Variants in POT1 observed in about 807,000 individuals in gnomAD.
The protein encoded by POT1 is protection of telomeres protein 1.
In POT1, 47 loss-of-function variants were observed where a neutral mutation model predicts 78.5. The ratio of observed to expected loss-of-function variants is 0.60; its 90% CI spans 0.47 to 0.76. The LOEUF is 0.76. POT1 is among the 30% of genes least tolerant of loss of function. The pLI, the probability that POT1 is intolerant of heterozygous loss-of-function variation, is 0.00. For missense variants in POT1, 646 were observed against 749.9 expected, an observed-to-expected ratio of 0.86 and a Z score of 1.62; for synonymous variants, 259 against 260.7, an observed-to-expected ratio of 0.99 and a Z score of 0.06.
intron 3 of POT1, among the ~76,000 whole-genome samples, chr7:124,914,529 T>G (rs1197920867): frequency 6.6e-6 from 1 of 152,200 alleles, no homozygotes; most frequent in African/African-American, 2.4e-5. Flanking sequence ...ATAAAAGCCC[T>G]TCTTCTGACA....
intron 3 of POT1, among the ~76,000 whole-genome samples, chr7:124,904,757 C>T (rs1287197847): frequency 1.3e-5 from 2 of 152,212 alleles, no homozygotes; most frequent in South Asian, 2.1e-4. Flanking sequence ...CCATCGGTCT[C>T]AGCTCAAAAT....
intron 6 of POT1, among the ~76,000 whole-genome samples, chr7:124,888,376 C>G (rs893340818): frequency 6.6e-6 from 1 of 151,970 alleles, no homozygotes; most frequent in Non-Finnish European, 1.5e-5. Flanking sequence ...TACTTTTTAA[C>G]GTATTTTGAA....
At chr7:124,903,263 A>G (rs1445683578) in intron 3 of POT1, among the ~76,000 whole-genome samples, 1 of 152,198 alleles carries the variant, frequency 6.6e-6, no homozygotes, top group Non-Finnish European at 1.5e-5. Flanking sequence ...AAAACTGACC[A>G]TAGTTGGAAG....
intron 5 of POT1, among the ~76,000 whole-genome samples, chr7:124,894,997 A>C (rs905948260): frequency 6.6e-6 from 1 of 151,708 alleles, no homozygotes; most frequent in Admixed American, 6.6e-5. Flanking sequence ...GGCATATAAT[A>C]TTTATGACAT....
At chr7:124,929,625 A>C (rs1005887016) in intron 1 of POT1, 169 bp downstream of exon 1, 3 of 152,170 alleles carry the variant, frequency 2.0e-5, no homozygotes, top group Non-Finnish European at 2.9e-5. Flanking sequence ...TGCTTCTCCC[A>C]AAACACCAAG....
intron 8 of POT1, among the ~76,000 whole-genome samples, chr7:124,863,011 C>G (rs1795634369): frequency 6.6e-6 from 1 of 152,026 alleles, no homozygotes; most frequent in South Asian, 2.1e-4. Context: ...GTGACCTTGA[C>G]AGGGAAACAG....
intron 6 of POT1, among the ~76,000 whole-genome samples, chr7:124,876,427 A>G (rs575461203): frequency 3.2e-4 from 48 of 152,312 alleles, no homozygotes; most frequent in Non-Finnish European, 6.0e-4. Context: ...TAGAACTTAA[A>G]GCAAAAGGAA....
At chr7:124,921,229 A>G (rs369496241) in intron 2 of POT1, among the ~76,000 whole-genome samples, 1 of 152,166 alleles carries the variant, frequency 6.6e-6, no homozygotes, top group Non-Finnish European at 1.5e-5. Flanking sequence ...CAAAACAATA[A>G]AAGTATGTCA....
intron 3 of POT1, among the ~76,000 whole-genome samples, chr7:124,902,598 T>A (rs1229140767): frequency 6.6e-6 from 1 of 152,210 alleles, no homozygotes; most frequent in African/African-American, 2.4e-5. Context: ...CCATTGAGGC[T>A]AGGAAGAAAC....
intron 2 of POT1, among the ~76,000 whole-genome samples, chr7:124,920,939 T>A (rs192735794): frequency 0.018 from 2,677 of 151,398 alleles, 32 homozygotes; most frequent in African/African-American, 0.021. Flanking sequence ...AAAAAAAAAA[T>A]TTTTTTAATT....
At position 124,832,007 on chromosome 7, in the gene POT1, A is replaced by T. The variant is rs1266603221; in HGVS notation, c.1506-2665T>A. On this transcript the variant is annotated intron_variant, in intron 15 of 18. Coordinates refer to ENST00000357628, the MANE Select transcript of POT1 (RefSeq NM_015450.3). ...ATTTAATTTCTTAAAAATAAAAAAA[A>T]AAAAAAAAAAAAAAAGTTTGGAGGC... Among the ~76,000 whole-genome samples the T allele has an allele frequency of 6.2e-3, 894 of 143,938 alleles. 9 individuals are homozygous for T. Among genetic ancestry groups the T allele is most frequent in the African/African-American group, 0.017 (686 of 39,516 alleles). The allele number at this position is 143,938 out of a possible 152,430, so 94.4% of individuals were successfully genotyped here. A position where few individuals can be genotyped will look rare whatever the true frequency, so the allele number is the denominator to read the frequency against.
chr7:124,867,706 G>A (rs186212751), intron 7 of POT1, among the ~76,000 whole-genome samples: 129 of 152,012 alleles, frequency 8.5e-4, no homozygotes, highest in Middle Eastern at 3.4e-3. Context: ...GAGTGCAGTG[G>A]TGCGATCTCG....
At chr7:124,864,437 A>G (rs1360905419) in intron 7 of POT1, among the ~76,000 whole-genome samples, 1 of 152,032 alleles carries the variant, frequency 6.6e-6, no homozygotes, top group Non-Finnish European at 1.5e-5. Flanking sequence ...TAACATGGCC[A>G]TATTTGAGTC....
intron 6 of POT1, among the ~76,000 whole-genome samples, chr7:124,887,792 A>G (rs556661597): frequency 6.6e-6 from 1 of 152,248 alleles, no homozygotes; most frequent in African/African-American, 2.4e-5. Flanking sequence ...GAATAGATGA[A>G]ATACAATAAA....
intron 2 of POT1, among the ~76,000 whole-genome samples, chr7:124,923,594 T>TA (rs1208685749): frequency 2.6e-5 from 4 of 151,576 alleles, no homozygotes; most frequent in African/African-American, 4.8e-5. Context: ...ATTAGAAAGT[T>TA]AAAAAAACCT....
chr7:124,854,112 T>G (rs566960576), intron 9 of POT1, among the ~76,000 whole-genome samples: 1 of 152,112 alleles, frequency 6.6e-6, no homozygotes, highest in East Asian at 1.9e-4. Flanking sequence ...TAAATATTCT[T>G]TATCTGAAAT....
intron 10 of POT1, among the ~76,000 whole-genome samples, chr7:124,852,392 T>C (rs1795332616): frequency 6.6e-6 from 1 of 152,170 alleles, no homozygotes; most frequent in African/African-American, 2.4e-5. Flanking sequence ...TCTTTGAAGA[T>C]ATGAAGATTT....
chr7:124,896,284 A>G (rs948554787), intron 5 of POT1, among the ~76,000 whole-genome samples: 3 of 151,734 alleles, frequency 2.0e-5, no homozygotes, highest in African/African-American at 4.8e-5. Flanking sequence ...TGCAAAGTTC[A>G]GAGGCTTTTT....
At chr7:124,881,151 C>T (rs1796109368) in intron 6 of POT1, among the ~76,000 whole-genome samples, 1 of 151,946 alleles carries the variant, frequency 6.6e-6, no homozygotes, top group African/African-American at 2.4e-5. Flanking sequence ...AGTGTACTTA[C>T]ACAAGCCCAG....
Sources: allele counts gnomAD v4.1 joint callset (sites outside exome capture counted in the v4.1 genomes callset), GRCh38; gene constraint gnomAD v4.1.1; transcripts MANE v1.5; gene names NCBI Gene and HGNC (gene_info 2026-07-23, HGNC 2026-07-21).